Variants in GLIS3 observed in about 807,000 individuals in gnomAD.
GLIS3 encodes zinc finger protein GLIS3.
Under a neutral mutation model 78.6 loss-of-function variants are expected in GLIS3, and 53 were observed. The observed-to-expected ratio is 0.67, with a 90% CI of 0.54 to 0.85. GLIS3 has a LOEUF of 0.85. Ranked by LOEUF, GLIS3 falls within the 40% of genes least tolerant of loss-of-function variation. The pLI, the probability that GLIS3 is intolerant of heterozygous loss-of-function variation, is 0.00. For synonymous variants in GLIS3, 684 were observed against 509.9 expected (o/e 1.34, Z -4.60); for missense variants, 1,703 against 1,231.1 (o/e 1.38, Z -5.74).
chr9:4,044,191 A>C (rs1825061255), intron 4 of GLIS3, among the ~76,000 whole-genome samples: 1 of 152,210 alleles, frequency 6.6e-6, no homozygotes, highest in South Asian at 2.1e-4. Context: ...TTACAACAAA[A>C]GAAAGATCAA....
chr9:4,005,114 G>A (rs774547977), intron 4 of GLIS3, among the ~76,000 whole-genome samples: 23 of 152,238 alleles, frequency 1.5e-4, no homozygotes, highest in Middle Eastern at 3.4e-3. Flanking sequence ...CCACATTTGT[G>A]TCATTTCTGC....
At chr9:4,171,120 G>C (rs555990744) in intron 2 of GLIS3, among the ~76,000 whole-genome samples, 1 of 152,100 alleles carries the variant, frequency 6.6e-6, no homozygotes. Flanking sequence ...TAGAATACCA[G>C]ACATTCACTT....
At chr9:3,914,495 C>T (rs1422449235) in intron 6 of GLIS3, among the ~76,000 whole-genome samples, 1 of 152,082 alleles carries the variant, frequency 6.6e-6, no homozygotes, top group Non-Finnish European at 1.5e-5. Context: ...ATATTCAACC[C>T]ACATTCATGC....
chr9:4,326,245 T>C (rs1200888029), intron 2 of GLIS3, among the ~76,000 whole-genome samples: 1 of 152,084 alleles, frequency 6.6e-6, no homozygotes, highest in Non-Finnish European at 1.5e-5. Context: ...TGAAGAAAAA[T>C]ATATACACCA....
At chr9:4,379,243 C>A in the GLIS3 span, among the ~76,000 whole-genome samples, 1 of 152,268 alleles carries the variant, frequency 6.6e-6, no homozygotes, top group East Asian at 1.9e-4. Context: ...CTAATAAAAC[C>A]CCATGTCTCA....
chr9:4,212,352 T>C (rs1279477205), intron 2 of GLIS3, among the ~76,000 whole-genome samples: 1 of 152,190 alleles, frequency 6.6e-6, no homozygotes, highest in Non-Finnish European at 1.5e-5. Context: ...TAACAATGGA[T>C]CAATCACGAA....
intron 2 of GLIS3, among the ~76,000 whole-genome samples, chr9:4,247,097 G>C (rs934241057): frequency 6.6e-6 from 1 of 152,096 alleles, no homozygotes; most frequent in Non-Finnish European, 1.5e-5. Flanking sequence ...TCCTTGCCTT[G>C]GTCTTCCTGA....
chr9:4,246,098 C>T lies in GLIS3; in HGVS notation c.388+39940G>A, dbSNP rs918118487. 2.0e-5 allele frequency among the ~76,000 whole-genome samples: 3 copies of T among 152,012 alleles called. No individual in the cohort carries two copies. In the East Asian group the frequency reaches 5.8e-4, roughly 29 times the overall value. On this transcript the variant is annotated intron_variant, in intron 2 of 10. Coordinates refer to ENST00000381971, the MANE Select transcript of GLIS3 (RefSeq NM_001042413.2). ...CCCTCTTAAAATACCTATTTCAGGC[C>T]AGGCACGGTGGCTCATGCCTGTAAT...
At chr9:3,923,170 T>G (rs371450164) in intron 6 of GLIS3, among the ~76,000 whole-genome samples, 48 of 152,340 alleles carry the variant, frequency 3.2e-4, no homozygotes, top group African/African-American at 1.1e-3. Context: ...CCTTGTCTCC[T>G]TTCACTGTAA....
At chr9:4,210,996 C>T (rs1820325917) in intron 2 of GLIS3, among the ~76,000 whole-genome samples, 1 of 152,148 alleles carries the variant, frequency 6.6e-6, no homozygotes. Flanking sequence ...GGAATCTGTA[C>T]CACACTCTTC....
intron 6 of GLIS3, among the ~76,000 whole-genome samples, chr9:3,931,685 T>C (rs1038551252): frequency 9.8e-5 from 15 of 152,324 alleles, no homozygotes; most frequent in East Asian, 5.8e-4. Context: ...AGACATCTTA[T>C]GGAGTTAGGA....
the GLIS3 span, among the ~76,000 whole-genome samples, chr9:4,411,273 A>G: frequency 6.6e-6 from 1 of 151,896 alleles, no homozygotes; most frequent in Non-Finnish European, 1.5e-5. Context: ...TCTGTCCTTC[A>G]CTTGGTGCAA....
At chr9:4,381,205 GAAATA>G in the GLIS3 span, among the ~76,000 whole-genome samples, 15 of 152,272 alleles carry the variant, frequency 9.9e-5, no homozygotes, top group African/African-American at 3.6e-4. Context: ...TGGTGGTGGG[GAAATA>G]AAATGAGTTC....
chr9:4,144,340 AT>A (rs995795090), intron 2 of GLIS3, among the ~76,000 whole-genome samples: 9 of 152,214 alleles, frequency 5.9e-5, no homozygotes, highest in African/African-American at 2.2e-4. Context: ...ACAAAGTGAT[AT>A]TTTTTGATAG....
the GLIS3 span, among the ~76,000 whole-genome samples, chr9:4,418,000 G>T: frequency 6.6e-6 from 1 of 152,148 alleles, no homozygotes; most frequent in African/African-American, 2.4e-5. Context: ...TAGCATTCCT[G>T]GCTCCTGTCC....
intron 2 of GLIS3, among the ~76,000 whole-genome samples, chr9:4,253,329 C>T (rs551676774): frequency 6.6e-6 from 1 of 152,254 alleles, no homozygotes; most frequent in Admixed American, 6.5e-5. Context: ...TCTACAGAGG[C>T]AGTCTAGCTA....
chr9:4,267,944 CCTGTGTGTGTGTGTGTGT>C (rs1375693057), intron 2 of GLIS3, among the ~76,000 whole-genome samples: 1 of 149,904 alleles, frequency 6.7e-6, no homozygotes, highest in Non-Finnish European at 1.5e-5. Context: ...TATAAAAATA[CCTGTGTGTGTGTGTGTGT>C]GTGTGTGTGT....
chr9:4,227,152 T>C (rs1821842063), intron 2 of GLIS3, among the ~76,000 whole-genome samples: 1 of 152,170 alleles, frequency 6.6e-6, no homozygotes, highest in Non-Finnish European at 1.5e-5. Flanking sequence ...CAGGTCTTGC[T>C]GCAGCAACTG....
chr9:4,116,368 G>C (rs1831639009), intron 4 of GLIS3, among the ~76,000 whole-genome samples: 1 of 152,184 alleles, frequency 6.6e-6, no homozygotes, highest in Admixed American at 6.5e-5. Flanking sequence ...GACAGAGTAA[G>C]GTTTTGCTGT....
Sources: gnomAD v4.1 joint callset for allele counts (sites outside exome capture counted in the v4.1 genomes callset) on GRCh38, gnomAD v4.1.1 for gene constraint, MANE v1.5 for transcripts, NCBI Gene and HGNC (gene_info 2026-07-23, HGNC 2026-07-21) for gene names.